Variants in PDE4B observed in about 807,000 individuals in gnomAD.
PDE4B encodes the protein 3',5'-cyclic-AMP phosphodiesterase 4B.
In PDE4B, 20 loss-of-function variants were observed where a neutral mutation model predicts 82.2. The ratio of observed to expected loss-of-function variants is 0.24; its 90% confidence interval spans 0.17 to 0.35. PDE4B has a LOEUF of 0.35. PDE4B is among the 10% of genes least tolerant of loss of function. The pLI, the probability that PDE4B is intolerant of heterozygous loss-of-function variation, is 1.00. For missense variants in PDE4B, 655 were observed against 907.2 expected (o/e 0.72, Z 3.57); for synonymous variants, 320 against 318.9 (o/e 1.00, Z -0.04).
intron 3 of PDE4B, among the ~76,000 whole-genome samples, chr1:66,079,274 A>G (rs1392815): frequency 0.75 from 113,687 of 151,278 alleles, 43,610 homozygotes; most frequent in Non-Finnish European, 0.84. Flanking sequence ...GGAGTGGACA[A>G]GTATTTCTAG....
chr1:65,925,706 A>T (rs1337548964), intron 3 of PDE4B, among the ~76,000 whole-genome samples: 1 of 152,242 alleles, frequency 6.6e-6, no homozygotes, highest in Non-Finnish European at 1.5e-5. Context: ...CTGCCACAAT[A>T]AATTAAATGT....
At chr1:66,026,465 G>A (rs909212525) in intron 3 of PDE4B, among the ~76,000 whole-genome samples, 5 of 152,086 alleles carry the variant, frequency 3.3e-5, no homozygotes, top group African/African-American at 1.2e-4. Flanking sequence ...AGATTCTTTG[G>A]GTATATGTCC....
chr1:66,277,218 A>G (rs562891727), intron 7 of PDE4B, among the ~76,000 whole-genome samples: 22 of 152,240 alleles, frequency 1.4e-4, no homozygotes, highest in South Asian at 4.2e-4. Context: ...TTTGAACAAC[A>G]GTAAGGGACG....
chr1:66,000,945 A>T (rs1651832704), intron 3 of PDE4B, among the ~76,000 whole-genome samples: 1 of 152,196 alleles, frequency 6.6e-6, no homozygotes, highest in African/African-American at 2.4e-5. Flanking sequence ...TCTCGGTCAG[A>T]ACAAAGCAAC....
chr1:65,978,171 G>A (rs1247282325), intron 3 of PDE4B, among the ~76,000 whole-genome samples: 1 of 151,596 alleles, frequency 6.6e-6, no homozygotes, highest in Non-Finnish European at 1.5e-5. Flanking sequence ...GGGATTACAG[G>A]CGCCCACCAG....
chr1:66,209,398 C>G (rs1250411799), intron 3 of PDE4B, among the ~76,000 whole-genome samples: 1 of 152,186 alleles, frequency 6.6e-6, no homozygotes, highest in Non-Finnish European at 1.5e-5. Context: ...TAGCTCCTAA[C>G]TGGATGTAGT....
chr1:66,283,335 T>C lies in PDE4B; in HGVS notation c.634+17248T>C, dbSNP rs1351220064. Among the ~76,000 whole-genome samples, 5 of 151,900 alleles carry C rather than the reference T, an allele frequency of 3.3e-5. No individual in the cohort carries two copies. The South Asian group carries it at 1.0e-3, about 32-fold the overall frequency. ...TATAGAGGAAAGACCAAATACATCA[T>C]TGCCGTTATTGTTACTATTATATAT... On this transcript the variant is annotated intron_variant, in intron 7 of 16. Coordinates refer to ENST00000341517, the MANE Select transcript of PDE4B (RefSeq NM_002600.4).
chr1:65,826,174 T>A (rs1646015474), intron 1 of PDE4B, among the ~76,000 whole-genome samples: 1 of 152,196 alleles, frequency 6.6e-6, no homozygotes, highest in Non-Finnish European at 1.5e-5. Context: ...GGGAACTAGG[T>A]GTATCCATAA....
chr1:65,832,711 A>G (rs766164075), intron 1 of PDE4B, among the ~76,000 whole-genome samples: 6 of 152,214 alleles, frequency 3.9e-5, no homozygotes, highest in Non-Finnish European at 8.8e-5. Context: ...ATAGAAGTCA[A>G]CTTTGGAAAT....
chr1:66,314,886 G>A (rs1410157325), intron 7 of PDE4B, among the ~76,000 whole-genome samples: 2 of 152,080 alleles, frequency 1.3e-5, no homozygotes, highest in African/African-American at 2.4e-5. Flanking sequence ...CAAAGCACAA[G>A]CACACCTTTG....
At chr1:66,030,876 G>A (rs1653735300) in intron 3 of PDE4B, among the ~76,000 whole-genome samples, 1 of 152,152 alleles carries the variant, frequency 6.6e-6, no homozygotes, top group African/African-American at 2.4e-5. Context: ...ACCAAAAACT[G>A]CATGTTCTCA....
At chr1:65,817,206 C>T (rs1433828420) in intron 1 of PDE4B, among the ~76,000 whole-genome samples, 1 of 152,108 alleles carries the variant, frequency 6.6e-6, no homozygotes, top group Admixed American at 6.5e-5. Flanking sequence ...GAGATTTATT[C>T]GTTTTCTCTT....
intron 1 of PDE4B, among the ~76,000 whole-genome samples, chr1:65,798,240 T>TGAAC (rs1557752727): frequency 8.1e-5 from 4 of 49,594 alleles, no homozygotes; most frequent in Non-Finnish European, 1.3e-4. Context: ...AGGCTAGTCT[T>TGAAC]TTTTTTTTTT....
At chr1:65,831,832 G>C (rs1273693075) in intron 1 of PDE4B, among the ~76,000 whole-genome samples, 1 of 152,122 alleles carries the variant, frequency 6.6e-6, no homozygotes, top group African/African-American at 2.4e-5. Flanking sequence ...TGAATATCTA[G>C]AGCTAAATGA....
intron 3 of PDE4B, among the ~76,000 whole-genome samples, chr1:66,057,920 C>T (rs571730286): frequency 1.8e-4 from 27 of 152,320 alleles, no homozygotes; most frequent in African/African-American, 5.8e-4. Context: ...CCCTTCCCAA[C>T]GGTCCCCCAA....
chr1:66,074,614 C>G (rs1289345300), intron 3 of PDE4B, among the ~76,000 whole-genome samples: 2 of 152,016 alleles, frequency 1.3e-5, no homozygotes, highest in African/African-American at 4.8e-5. Context: ...AATTCTGTAC[C>G]CATTGAACCA....
chr1:65,863,144 C>T (rs1055550091), intron 1 of PDE4B, among the ~76,000 whole-genome samples: 1 of 152,122 alleles, frequency 6.6e-6, no homozygotes, highest in Admixed American at 6.6e-5. Context: ...ACATTTAGTG[C>T]TATAAATTTC....
intron 3 of PDE4B, among the ~76,000 whole-genome samples, chr1:66,069,992 T>C (rs1656068764): frequency 6.6e-6 from 1 of 152,094 alleles, no homozygotes; most frequent in Non-Finnish European, 1.5e-5. Flanking sequence ...TGCATGTGCA[T>C]GTGTGTACTA....
At chr1:66,251,342 C>T (rs961030423) in intron 4 of PDE4B, among the ~76,000 whole-genome samples, 4 of 152,088 alleles carry the variant, frequency 2.6e-5, no homozygotes, top group African/African-American at 9.7e-5. Flanking sequence ...AAGACGAACC[C>T]AAGAAGTCTA....
Sources: gnomAD v4.1 joint callset for allele counts (sites outside exome capture counted in the v4.1 genomes callset) on GRCh38, gnomAD v4.1.1 for gene constraint, MANE v1.5 for transcripts, NCBI Gene and HGNC (gene_info 2026-07-23, HGNC 2026-07-21) for gene names.